The following JPH3 variants were observed in gnomAD, a reference collection of about 807,000 sequenced individuals.
The protein encoded by JPH3 is junctophilin-3.
Under a neutral mutation model 59.6 loss-of-function variants are expected in JPH3, and 11 were observed. The ratio of observed to expected loss-of-function variants is 0.18; its 90% CI spans 0.12 to 0.31. The LOEUF (loss-of-function observed/expected upper bound fraction) is 0.31, where lower values mean the gene tolerates loss of function less well. Among genes scored for constraint, JPH3 ranks in the 10% least tolerant of loss-of-function variants. JPH3 has a pLI of 1.00. For synonymous variants in JPH3, 673 were observed against 483.6 expected, an observed-to-expected ratio of 1.39 and a Z score of -5.14; for missense variants, 1,202 against 1,105.7, an observed-to-expected ratio of 1.09 and a Z score of -1.24.
chr16:87,696,743 A>G lies in JPH3; in HGVS notation c.*83A>G. 2 of 1,160,406 alleles carry G rather than the reference A, an allele frequency of 1.7e-6. No individual in the cohort carries two copies. The highest frequency in any genetic ancestry group is 1.3e-6 in the Non-Finnish European group (1 of 783,498). The allele number at this position is 1,160,406 out of a possible 1,614,324, so 71.9% of individuals were successfully genotyped here. ...AAAGCAAAACCACAAGAAGGGAAAG[A>G]CCGCAACTCGGACAGCCCAGCGACT... On this transcript the variant is annotated 3_prime_UTR_variant, in exon 5 of 5. Coordinates refer to ENST00000284262, the MANE Select transcript of JPH3 (RefSeq NM_020655.4).
At position 87,616,486 on chromosome 16, in the gene JPH3, G is replaced by A. The variant is rs146497668; in HGVS notation, c.382+12958G>A. Among the ~76,000 whole-genome samples the A allele has an allele frequency of 7.4e-3, 1,125 of 151,166 alleles. 8 individuals are homozygous for A. Among genetic ancestry groups the A allele is most frequent in the Non-Finnish European group, 8.6e-3 (585 of 67,838 alleles). On this transcript the variant is annotated intron_variant, in intron 1 of 4. Transcript: ENST00000284262. ...AGGATGGTCTTGATCTCCTGACCTC[G>A]TGATCCGCCCACCTCGGCCTTCCAA...
chr16:87,677,113 C>T (rs373520298), intron 2 of JPH3, among the ~76,000 whole-genome samples: 6 of 149,776 alleles, frequency 4.0e-5, no homozygotes, highest in East Asian at 2.0e-4. Flanking sequence ...GAGCTGAGAT[C>T]GTGCCACTGC....
At chr16:87,661,427 C>A (rs1241988514) in intron 2 of JPH3, among the ~76,000 whole-genome samples, 1 of 152,378 alleles carries the variant, frequency 6.6e-6, no homozygotes, top group African/African-American at 2.4e-5. Flanking sequence ...CTGGGCCTGC[C>A]CTTTGCATCT....
chr16:87,665,518 C>T (rs942048105), intron 2 of JPH3, among the ~76,000 whole-genome samples: 1 of 152,232 alleles, frequency 6.6e-6, no homozygotes, highest in Non-Finnish European at 1.5e-5. Context: ...CTGAGCCTCC[C>T]AAGGCCCCCC....
chr16:87,683,231 GC>G (rs1351491876), intron 2 of JPH3, among the ~76,000 whole-genome samples: 1 of 152,224 alleles, frequency 6.6e-6, no homozygotes, highest in Non-Finnish European at 1.5e-5. Flanking sequence ...GGCCGGCACC[GC>G]CGGGGTGGGT....
chr16:87,622,745 C>A (rs942394834), intron 1 of JPH3, among the ~76,000 whole-genome samples: 1 of 152,018 alleles, frequency 6.6e-6, no homozygotes, highest in African/African-American at 2.4e-5. Context: ...CAGACCCCCC[C>A]CCGCCCCACC....
intron 2 of JPH3, among the ~76,000 whole-genome samples, chr16:87,683,225 G>A (rs1312090981): frequency 2.6e-5 from 4 of 152,260 alleles, no homozygotes; most frequent in East Asian, 3.8e-4. Context: ...ACAGCGGGCC[G>A]GCACCGCCGG....
intron 1 of JPH3, among the ~76,000 whole-genome samples, chr16:87,624,589 T>C (rs72810119): frequency 0.08 from 12,126 of 152,298 alleles, 646 homozygotes; most frequent in Non-Finnish European, 0.12. Context: ...AGCCTAAAGC[T>C]GGCAGAGGTT....
chr16:87,654,363 A>T (rs988653311), intron 2 of JPH3: 3 of 152,010 alleles, frequency 2.0e-5, no homozygotes, highest in Non-Finnish European at 4.4e-5. Flanking sequence ...GTTTTTCTGT[A>T]CTGTTGGAAT....
intron 4 of JPH3, chr16:87,696,079 G>A (rs1295294949): frequency 4.4e-6 from 2 of 456,774 alleles, no homozygotes; most frequent in Non-Finnish European, 8.8e-6. Context: ...GTTTTGTTGA[G>A]GACACTGTGC....
At chr16:87,630,488 G>T (rs1406928573) in intron 1 of JPH3, among the ~76,000 whole-genome samples, 1 of 142,192 alleles carries the variant, frequency 7.0e-6, no homozygotes, top group Non-Finnish European at 1.6e-5. Flanking sequence ...CCAGGCTCAG[G>T]TCTTCACCCA....
intron 2 of JPH3, among the ~76,000 whole-genome samples, chr16:87,657,462 G>A (rs764466927): frequency 6.6e-6 from 1 of 152,196 alleles, no homozygotes; most frequent in African/African-American, 2.4e-5. Context: ...ACAGTACCCT[G>A]CAAGTGGACC....
At chr16:87,649,842 G>C (rs1567598985) in intron 2 of JPH3, among the ~76,000 whole-genome samples, 1 of 152,198 alleles carries the variant, frequency 6.6e-6, no homozygotes, top group South Asian at 2.1e-4. Flanking sequence ...GGAGAGACGG[G>C]GTGGCCCATG....
chr16:87,686,489 G>C (rs180915365), intron 3 of JPH3, among the ~76,000 whole-genome samples: 1 of 131,970 alleles, frequency 7.6e-6, no homozygotes, highest in African/African-American at 3.0e-5. Flanking sequence ...GATGCTTCCT[G>C]GAGGGCTCAA....
At chr16:87,684,338 A>G (rs2033366381) in intron 3 of JPH3, 72 bp downstream of exon 3, 1 of 1,574,668 alleles carries the variant, frequency 6.4e-7, no homozygotes, top group Admixed American at 1.8e-5. Flanking sequence ...TCCTGGCAGC[A>G]GATGTGTCCT....
At chr16:87,692,925 A>G (rs1366151479) in intron 4 of JPH3, among the ~76,000 whole-genome samples, 1 of 152,144 alleles carries the variant, frequency 6.6e-6, no homozygotes, top group Non-Finnish European at 1.5e-5. Flanking sequence ...CTGCTACCCC[A>G]CTACAGGCTG....
intron 3 of JPH3, 191 bp downstream of exon 3, chr16:87,684,457 G>A: frequency 1.3e-6 from 1 of 798,676 alleles, no homozygotes; most frequent in South Asian, 1.8e-5. Context: ...TGGCTCCCCG[G>A]GACACAGGAC....
chr16:87,617,786 G>A (rs958087961), intron 1 of JPH3, among the ~76,000 whole-genome samples: 1 of 152,134 alleles, frequency 6.6e-6, no homozygotes, highest in African/African-American at 2.4e-5. Context: ...GTGCGCAGCC[G>A]GGGCAGGGGT....
intron 2 of JPH3, among the ~76,000 whole-genome samples, chr16:87,650,878 G>A (rs1034639636): frequency 6.6e-6 from 1 of 152,240 alleles, no homozygotes; most frequent in African/African-American, 2.4e-5. Context: ...AGGTTACCCA[G>A]AAGATCTGGC....
Sources: allele counts gnomAD v4.1 joint callset (sites outside exome capture counted in the v4.1 genomes callset), GRCh38; gene constraint gnomAD v4.1.1; transcripts MANE v1.5; gene names NCBI Gene and HGNC (gene_info 2026-07-23, HGNC 2026-07-21).